CCDC148: variants seen among roughly 807,000 people sequenced by gnomAD.
The protein encoded by CCDC148 is coiled-coil domain containing 148, also known as coiled-coil domain-containing protein 148.
A neutral mutation model predicts 85.7 loss-of-function variants in CCDC148; 89 were observed. The observed-to-expected ratio is 1.04, with a 90% CI of 0.87 to 1.24. The LOEUF is 1.24. Ranked by LOEUF, CCDC148 falls within the 50% of genes most tolerant of loss-of-function variation. The pLI is 0.00. For synonymous variants in CCDC148, 230 were observed against 213.9 expected (o/e 1.08, Z -0.66); for missense variants, 692 against 671.7 (o/e 1.03, Z -0.33).
chr2:158,288,159 C>T (rs1690721545), intron 9 of CCDC148, among the ~76,000 whole-genome samples: 1 of 152,154 alleles, frequency 6.6e-6, no homozygotes, highest in African/African-American at 2.4e-5. Context: ...AGGCCCAGCC[C>T]ATGAATCCAT....
intron 11 of CCDC148, among the ~76,000 whole-genome samples, chr2:158,208,953 T>A (rs577229411): frequency 1.5e-3 from 232 of 152,094 alleles, no homozygotes; most frequent in African/African-American, 4.0e-3. Flanking sequence ...GAATATATTT[T>A]TTAAAAAAAC....
chr2:158,327,067 T>C (rs751893307), intron 7 of CCDC148, among the ~76,000 whole-genome samples: 1 of 152,162 alleles, frequency 6.6e-6, no homozygotes, highest in Non-Finnish European at 1.5e-5. Context: ...TTCCTATTGA[T>C]ATTAAGGTTT....
At chr2:158,361,590 G>A (rs1683949411) in intron 1 of CCDC148, among the ~76,000 whole-genome samples, 1 of 152,062 alleles carries the variant, frequency 6.6e-6, no homozygotes, top group South Asian at 2.1e-4. Context: ...CATAAGTGAA[G>A]GAGAAATAAA....
chr2:158,321,780 A>G (rs1692529921), intron 7 of CCDC148, among the ~76,000 whole-genome samples: 1 of 152,130 alleles, frequency 6.6e-6, no homozygotes, highest in African/African-American at 2.4e-5. Flanking sequence ...ACTTTTATCC[A>G]TCTCATCTTT....
At chr2:158,377,338 T>C (rs865946522) in intron 1 of CCDC148, among the ~76,000 whole-genome samples, 1 of 151,912 alleles carries the variant, frequency 6.6e-6, no homozygotes, top group East Asian at 1.9e-4. Context: ...AGTGGCTGCA[T>C]AGGATTTTCC....
chr2:158,340,530 A>C (rs1682628399), intron 4 of CCDC148, 68 bp downstream of exon 4: 1 of 1,383,608 alleles, frequency 7.2e-7, no homozygotes, highest in South Asian at 1.3e-5. Flanking sequence ...AAGAACATGA[A>C]GTGAGTGGCC....
At chr2:158,454,042 CTGGAATTGGGCCAT>C (rs909809396) in intron 1 of CCDC148, among the ~76,000 whole-genome samples, 5 of 152,188 alleles carry the variant, frequency 3.3e-5, no homozygotes, top group African/African-American at 1.2e-4. Flanking sequence ...CACTGGAAAT[CTGGAATTGGGCCAT>C]TCCAACTTGG....
chr2:158,276,635 G>C (rs1689960446), intron 9 of CCDC148, among the ~76,000 whole-genome samples: 1 of 152,170 alleles, frequency 6.6e-6, no homozygotes, highest in South Asian at 2.1e-4. Flanking sequence ...TTAAGACTGG[G>C]CATGAAGTTA....
chr2:158,448,502 C>T (rs1334015740), intron 1 of CCDC148, among the ~76,000 whole-genome samples: 4 of 151,962 alleles, frequency 2.6e-5, no homozygotes, highest in African/African-American at 9.7e-5. Flanking sequence ...TGTGAGCCAC[C>T]ATGCCTAATT....
intron 1 of CCDC148, chr2:158,425,048 T>C (rs1687011656): frequency 4.5e-6 from 2 of 444,710 alleles, no homozygotes; most frequent in South Asian, 1.6e-5. Flanking sequence ...GAGGGGGCCC[T>C]AGGGGGTCGT....
intron 11 of CCDC148, among the ~76,000 whole-genome samples, chr2:158,216,269 A>G (rs1686849150): frequency 1.3e-5 from 2 of 152,058 alleles, no homozygotes; most frequent in Non-Finnish European, 2.9e-5. Context: ...AATTTTTATA[A>G]TAATGTCCTC....
intron 1 of CCDC148, among the ~76,000 whole-genome samples, chr2:158,370,456 A>C (rs1322254909): frequency 6.6e-6 from 1 of 152,088 alleles, no homozygotes; most frequent in African/African-American, 2.4e-5. Context: ...AAAGATTTTG[A>C]AACAAAAGTT....
intron 10 of CCDC148, among the ~76,000 whole-genome samples, chr2:158,232,659 C>T (rs765473416): frequency 3.3e-5 from 5 of 152,140 alleles, no homozygotes; most frequent in Non-Finnish European, 7.4e-5. Context: ...AGGTCATTAT[C>T]TCTGACCTGT....
At chr2:158,379,632 C>A (rs1452895360) in intron 1 of CCDC148, among the ~76,000 whole-genome samples, 2 of 151,998 alleles carry the variant, frequency 1.3e-5, no homozygotes, top group Non-Finnish European at 2.9e-5. Flanking sequence ...CTCAGCTACC[C>A]CAACCTTCCT....
intron 10 of CCDC148, among the ~76,000 whole-genome samples, chr2:158,228,628 A>T (rs1206989041): frequency 6.6e-6 from 1 of 152,242 alleles, no homozygotes; most frequent in Non-Finnish European, 1.5e-5. Flanking sequence ...CTATGTGGCC[A>T]TAAAAAATGA....
intron 8 of CCDC148, among the ~76,000 whole-genome samples, chr2:158,310,437 G>A (rs996803594): frequency 1.3e-5 from 2 of 152,208 alleles, no homozygotes; most frequent in Non-Finnish European, 2.9e-5. Context: ...GAGCTGTTGG[G>A]TACACCTCCC....
intron 5 of CCDC148, 25 bp from the exon 6 acceptor site, chr2:158,339,110 T>G (rs760719492): frequency 6.8e-7 from 1 of 1,480,776 alleles, no homozygotes; most frequent in Non-Finnish European, 9.4e-7. Context: ...GAACAAGTAG[T>G]AGGCAAATTA....
chr2:158,420,958 C>T (rs1265017187), intron 1 of CCDC148, among the ~76,000 whole-genome samples: 1 of 151,672 alleles, frequency 6.6e-6, no homozygotes, highest in Non-Finnish European at 1.5e-5. Context: ...ACAAAAGAGA[C>T]TTTAAACCAA....
intron 9 of CCDC148, among the ~76,000 whole-genome samples, chr2:158,277,347 C>T (rs1689999654): frequency 6.6e-6 from 1 of 152,182 alleles, no homozygotes; most frequent in East Asian, 1.9e-4. Flanking sequence ...TGATAATGAC[C>T]ATTCCTGATA....
Sources: gnomAD v4.1 joint callset for allele counts (sites outside exome capture counted in the v4.1 genomes callset) on GRCh38, gnomAD v4.1.1 for gene constraint, MANE v1.5 for transcripts, NCBI Gene and HGNC (gene_info 2026-07-23, HGNC 2026-07-21) for gene names.